Variants in SATB2 observed in about 807,000 individuals in gnomAD.
The protein encoded by SATB2 is DNA-binding protein SATB2.
In SATB2, 1 loss-of-function variant was observed where a neutral mutation model predicts 73.4. The ratio of observed to expected loss-of-function variants is 0.01; its 90% CI spans 0.00 to 0.06. The LOEUF is 0.06. Among genes scored for constraint, SATB2 ranks in the 10% least tolerant of loss-of-function variants. The probability of loss-of-function intolerance (pLI) is 1.00; values close to 1 mark genes in which losing one functional copy is unlikely to be tolerated. For missense variants in SATB2, 459 were observed against 945.8 expected (o/e 0.49, Z 6.75); for synonymous variants, 397 against 367.0 (o/e 1.08, Z -0.93).
At chr2:199,390,227 T>C (rs1280314394) in intron 3 of SATB2, among the ~76,000 whole-genome samples, 2 of 152,066 alleles carry the variant, frequency 1.3e-5, no homozygotes, top group African/African-American at 2.4e-5. Flanking sequence ...GGTCAGGATA[T>C]GAAAAAAAAT....
In SATB2 at chr2:199,455,899, G is replaced by C; in HGVS notation, c.139C>G (p.Pro47Ala). Residue 47 changes from proline (P) to alanine (A), a missense_variant, in exon 2 of 11, where the codon CCC becomes GCC. Transcript: ENST00000417098. The surrounding 1 kb of genome is among the most constrained non-coding windows in gnomAD (Gnocchi z 4.1). Reference protein sequence around the residue: ...NGSPMGARGRPNGAVAKAVGG... With the variant: ...NGSPMGARGRANGAVAKAVGG... ...ACGGCCTTGGCCACGGCGCCGTTGGGCCTCCCGCGGGCTCCCATGGGGCTG... is the reference window on the plus strand; with the variant it reads ...ACGGCCTTGGCCACGGCGCCGTTGGCCCTCCCGCGGGCTCCCATGGGGCTG... 1 of 1,538,040 alleles carries C rather than the reference G, an allele frequency of 6.5e-7. No homozygotes were observed. The highest frequency in any genetic ancestry group is 8.7e-7 in the Non-Finnish European group (1 of 1,148,228).
intron 9 of SATB2, among the ~76,000 whole-genome samples, chr2:199,320,898 TA>T (rs1044987281): frequency 6.6e-6 from 1 of 152,116 alleles, no homozygotes; most frequent in African/African-American, 2.4e-5. Flanking sequence ...AGGGGTCATA[TA>T]AATTTCAAAT....
intron 3 of SATB2, among the ~76,000 whole-genome samples, chr2:199,419,217 C>T (rs1257493467): frequency 1.3e-5 from 2 of 152,286 alleles, no homozygotes; most frequent in Non-Finnish European, 1.5e-5. Context: ...GAGTCTTCAC[C>T]TTCCACCACC....
chr2:199,281,482 T>TACACAC (rs10685113), intron 10 of SATB2, among the ~76,000 whole-genome samples: 22,726 of 150,412 alleles, frequency 0.15, 2,094 homozygotes, highest in African/African-American at 0.25. Flanking sequence ...ATGAGATATA[T>TACACAC]ACACACACAC....
chr2:199,337,506 T>C (rs1363865221), intron 7 of SATB2, among the ~76,000 whole-genome samples: 1 of 152,188 alleles, frequency 6.6e-6, no homozygotes, highest in Non-Finnish European at 1.5e-5. Flanking sequence ...CATTGTTCCA[T>C]GAAGGATTTT....
chr2:199,351,707 A>G (rs1311439184), intron 6 of SATB2, among the ~76,000 whole-genome samples: 2 of 152,222 alleles, frequency 1.3e-5, no homozygotes, highest in African/African-American at 2.4e-5. Context: ...CTGATTCCAC[A>G]GTAAAATCTT....
Position 199,455,766 on chromosome 2 carries a change from C to T in SATB2, c.169+103G>A. The T allele has an allele frequency of 1.5e-6, 2 of 1,333,204 alleles. No individual in the cohort carries two copies. The highest frequency in any genetic ancestry group is 1.0e-6 in the Non-Finnish European group (1 of 965,954). 82.6% of individuals were successfully genotyped at this position (1,333,204 alleles called of 1,614,324 possible). On this transcript the variant is annotated intron_variant, in intron 2 of 10. Coordinates refer to ENST00000417098, the MANE Select transcript of SATB2 (RefSeq NM_001172509.2). This position sits in a 1 kb window ranked among gnomAD's most constrained non-coding sequence, Gnocchi z 4.1. Reference sequence around the variant, plus strand: ...TATTTGGCAACCTGGAATTCACTTCCTGTAATCCTACACCGCGACAGCGCC... The same window carrying T: ...TATTTGGCAACCTGGAATTCACTTCTTGTAATCCTACACCGCGACAGCGCC...
At chr2:199,391,432 C>CAAAAAAAAAAAAAAAAA (rs56190034) in intron 3 of SATB2, among the ~76,000 whole-genome samples, 1 of 98,648 alleles carries the variant, frequency 1.0e-5, no homozygotes, top group Non-Finnish European at 2.0e-5. Flanking sequence ...GACTCCGTCT[C>CAAAAAAAAAAAAAAAAA]AAAAAAAAAA....
intron 2 of SATB2, among the ~76,000 whole-genome samples, chr2:199,446,191 T>G (rs960139254): frequency 6.6e-6 from 1 of 152,194 alleles, no homozygotes; most frequent in Non-Finnish European, 1.5e-5. Flanking sequence ...TAGCAACTGA[T>G]TTATAAGTTT....
intron 10 of SATB2, among the ~76,000 whole-genome samples, chr2:199,301,967 C>T (rs1489188225): frequency 1.3e-5 from 2 of 152,078 alleles, no homozygotes; most frequent in African/African-American, 4.8e-5. Context: ...GAAACCTAAC[C>T]ATACTCAAGA....
At chr2:199,356,671 AT>A in intron 6 of SATB2, among the ~76,000 whole-genome samples, 1 of 152,290 alleles carries the variant, frequency 6.6e-6, no homozygotes, top group Non-Finnish European at 1.5e-5. Context: ...CACAAACCAC[AT>A]GGCTACTTTT....
chr2:199,345,050 C>G (rs1313829872), intron 7 of SATB2, among the ~76,000 whole-genome samples: 1 of 152,078 alleles, frequency 6.6e-6, no homozygotes, highest in East Asian at 1.9e-4. Context: ...TCTATACTCT[C>G]ACTACTGTCT....
rs1046317203 is a variant in SATB2, at chr2:199,272,607, G to A, written c.1806C>T (p.Pro602=). 2 of 1,614,120 alleles carry A rather than the reference G, an allele frequency of 1.2e-6. No individual in the cohort carries two copies. Among genetic ancestry groups the A allele is most frequent in the Admixed American group, 3.3e-5 (2 of 60,004 alleles). The stretch of plus-strand genomic sequence containing the variant: ...AACTGTCTTCAGTCGGAGGAGGTGG[G>A]GGAGGCGCTTCTTCTCTGGGAGGGG... The part of the protein sequence containing the change: ...ESSPPREEAP[P]PPPPTEDSCA... The change falls in exon 11 of 11, where the codon CCC becomes CCT. Residue 602 remains proline (P), a synonymous_variant. Coordinates refer to ENST00000417098, the MANE Select transcript of SATB2 (RefSeq NM_001172509.2). The surrounding 1 kb of genome is among the most constrained non-coding windows in gnomAD (Gnocchi z 6.7).
chr2:199,403,534 A>G (rs1291364167), intron 3 of SATB2, among the ~76,000 whole-genome samples: 1 of 152,154 alleles, frequency 6.6e-6, no homozygotes, highest in Non-Finnish European at 1.5e-5. Context: ...TATCCTTCAC[A>G]TCATTTTGTA....
At chr2:199,426,287 T>TTATG (rs1452292932) in intron 3 of SATB2, among the ~76,000 whole-genome samples, 1 of 152,096 alleles carries the variant, frequency 6.6e-6, no homozygotes, top group Non-Finnish European at 1.5e-5. Context: ...TTCTTCTTTT[T>TTATG]TATTTATTTA....
intron 3 of SATB2, among the ~76,000 whole-genome samples, chr2:199,420,717 T>C (rs914377876): frequency 2.0e-5 from 3 of 152,188 alleles, no homozygotes; most frequent in African/African-American, 4.8e-5. Context: ...ATGATCTTAA[T>C]TGCATTAGTT....
intron 2 of SATB2, among the ~76,000 whole-genome samples, chr2:199,441,360 A>G (rs182087443): frequency 6.6e-6 from 1 of 152,284 alleles, no homozygotes; most frequent in East Asian, 1.9e-4. Flanking sequence ...TTTTCAGAGA[A>G]TGTGTACTTT....
At chr2:199,277,354 T>C (rs1380974991) in intron 10 of SATB2, among the ~76,000 whole-genome samples, 1 of 152,182 alleles carries the variant, frequency 6.6e-6, no homozygotes, top group Admixed American at 6.5e-5. Flanking sequence ...GATATAAAAG[T>C]TTAAAAAAAT....
intron 9 of SATB2, among the ~76,000 whole-genome samples, chr2:199,320,932 T>C (rs1231713384): frequency 2.6e-5 from 4 of 151,804 alleles, no homozygotes; most frequent in Non-Finnish European, 4.4e-5. Context: ...TTGCTATGCA[T>C]ATTTGAACTC....
Sources: gnomAD v4.1 joint callset for allele counts (sites outside exome capture counted in the v4.1 genomes callset) on GRCh38, gnomAD v4.1.1 for gene constraint, Gnocchi (gnomAD v3.1) non-coding constraint, MANE v1.5 for transcripts, NCBI Gene and HGNC (gene_info 2026-07-23, HGNC 2026-07-21) for gene names.